The following KCNQ3 variants were observed in gnomAD, a reference collection of about 807,000 sequenced individuals.
KCNQ3 encodes the protein potassium voltage-gated channel subfamily KQT member 3.
In KCNQ3, 30 loss-of-function variants were observed where a neutral mutation model predicts 92.5. The observed-to-expected ratio is 0.32, with a 90% CI of 0.24 to 0.44. The LOEUF is 0.44. Ranked by LOEUF, KCNQ3 falls within the 20% of genes least tolerant of loss-of-function variation. KCNQ3 has a pLI of 1.00. For synonymous variants in KCNQ3, 450 were observed against 468.8 expected, an observed-to-expected ratio of 0.96 and a Z score of 0.52; for missense variants, 913 against 1,140.3, an observed-to-expected ratio of 0.80 and a Z score of 2.87.
At chr8:132,382,600 T>A (rs1349666411) in intron 1 of KCNQ3, among the ~76,000 whole-genome samples, 1 of 152,198 alleles carries the variant, frequency 6.6e-6, no homozygotes, top group East Asian at 1.9e-4. Context: ...TGTAAAATTT[T>A]ACAGGATTTT....
intron 1 of KCNQ3, among the ~76,000 whole-genome samples, chr8:132,370,929 G>GT (rs1326013384): frequency 6.6e-6 from 1 of 152,158 alleles, no homozygotes; most frequent in Non-Finnish European, 1.5e-5. Flanking sequence ...GGCATAGAAA[G>GT]TTACACTGTC....
At chr8:132,343,096 G>A (rs144604221) in intron 1 of KCNQ3, among the ~76,000 whole-genome samples, 4 of 152,288 alleles carry the variant, frequency 2.6e-5, no homozygotes, top group Admixed American at 2.0e-4. Flanking sequence ...CTGTAACACT[G>A]AACATAGTGT....
chr8:132,234,277 G>A (rs1379312305), intron 1 of KCNQ3, among the ~76,000 whole-genome samples: 2 of 150,514 alleles, frequency 1.3e-5, no homozygotes, highest in Non-Finnish European at 3.0e-5. Context: ...TGTAAAGTGG[G>A]TGTTCAGATC....
chr8:132,181,869 T>C (rs1055213696), intron 3 of KCNQ3, among the ~76,000 whole-genome samples: 3 of 151,604 alleles, frequency 2.0e-5, no homozygotes, highest in South Asian at 2.1e-4. Context: ...CTGGATAACA[T>C]GTCTCTACTA....
intron 1 of KCNQ3, among the ~76,000 whole-genome samples, chr8:132,468,639 T>A (rs1015958665): frequency 3.3e-5 from 5 of 152,232 alleles, no homozygotes; most frequent in Non-Finnish European, 7.3e-5. Flanking sequence ...TGTGAAATGA[T>A]GTAAAAGCAT....
chr8:132,345,155 GAAT>G (rs1818648646), intron 1 of KCNQ3, among the ~76,000 whole-genome samples: 2 of 152,136 alleles, frequency 1.3e-5, no homozygotes, highest in African/African-American at 4.8e-5. Flanking sequence ...ATGAAATTTA[GAAT>G]AATATTGATT....
At chr8:132,257,290 A>G (rs1240893576) in intron 1 of KCNQ3, among the ~76,000 whole-genome samples, 1 of 152,220 alleles carries the variant, frequency 6.6e-6, no homozygotes, top group Admixed American at 6.5e-5. Context: ...TCTATTTAAT[A>G]CAAAAATAGA....
rs1410936301 is a variant in KCNQ3, at chr8:132,121,633, A to G, written c.*7629T>C. The G allele has an allele frequency of 6.6e-6, 1 of 152,230 alleles. No homozygotes were observed. Among genetic ancestry groups the G allele is most frequent in the East Asian group, 1.9e-4 (1 of 5,192 alleles). The allele number at this position is 152,230 out of a possible 1,614,324, so 9.4% of individuals were successfully genotyped here. A position where few individuals can be genotyped will look rare whatever the true frequency, so the allele number is the denominator to read the frequency against. ...TCTTTTAATACTGAGAAAGAGAGAC[A>G]CAACTGTTCTGAGCTTTTGGCCTCC... On this transcript the variant is annotated 3_prime_UTR_variant, in exon 15 of 15. Transcript: ENST00000388996.
At chr8:132,184,112 G>T in intron 3 of KCNQ3, 129 bp downstream of exon 3, 1 of 1,158,800 alleles carries the variant, frequency 8.6e-7, no homozygotes, top group Non-Finnish European at 1.3e-6. Context: ...TCGAGGCAGC[G>T]TCAGGGGCTG....
In KCNQ3 at chr8:132,313,674, T is replaced by C. The variant is rs551995132; in HGVS notation, c.387-127493A>G. Among the ~76,000 whole-genome samples the C allele has an allele frequency of 3.9e-5, 6 of 152,346 alleles. No individual in the cohort carries two copies. The East Asian group carries it at 7.7e-4, about 20-fold the overall frequency. Reference sequence around the variant, plus strand: ...GCTATGAGATGGGATCCAATTAATGTTATTGACAAGATAAGTACCTATATT... The same window carrying C: ...GCTATGAGATGGGATCCAATTAATGCTATTGACAAGATAAGTACCTATATT... On this transcript the variant is annotated intron_variant, in intron 1 of 14. Transcript: ENST00000388996.
intron 1 of KCNQ3, among the ~76,000 whole-genome samples, chr8:132,289,185 C>T (rs1375634231): frequency 6.6e-6 from 1 of 152,126 alleles, no homozygotes; most frequent in Non-Finnish European, 1.5e-5. Context: ...AACAAGAATA[C>T]CCCTCAAAAA....
intron 1 of KCNQ3, among the ~76,000 whole-genome samples, chr8:132,199,566 C>T (rs965514813): frequency 3.3e-5 from 5 of 152,130 alleles, no homozygotes; most frequent in Non-Finnish European, 7.4e-5. Context: ...AAGGTTTCTT[C>T]TAAATCTACC....
chr8:132,428,890 A>C (rs2130821063), intron 1 of KCNQ3, among the ~76,000 whole-genome samples: 1 of 152,244 alleles, frequency 6.6e-6, no homozygotes, highest in South Asian at 2.1e-4. Context: ...TGAGGGAGGA[A>C]ACAAACCTCC....
intron 9 of KCNQ3, among the ~76,000 whole-genome samples, chr8:132,157,063 C>G (rs1017851028): frequency 1.3e-5 from 2 of 152,212 alleles, no homozygotes; most frequent in Admixed American, 6.5e-5. Flanking sequence ...TTCCAGACTT[C>G]TAGCTTCCAG....
intron 1 of KCNQ3, among the ~76,000 whole-genome samples, chr8:132,227,675 G>A (rs898245831): frequency 1.3e-5 from 2 of 152,174 alleles, no homozygotes; most frequent in East Asian, 1.9e-4. Flanking sequence ...TGGCGGTGCC[G>A]GGGGCAAATG....
At chr8:132,168,503 C>T (rs533088191) in intron 8 of KCNQ3, among the ~76,000 whole-genome samples, 1 of 152,190 alleles carries the variant, frequency 6.6e-6, no homozygotes, top group South Asian at 2.1e-4. Context: ...CCACCAGAAC[C>T]TTTTGAGGAG....
At chr8:132,386,079 T>C (rs749557180) in intron 1 of KCNQ3, among the ~76,000 whole-genome samples, 1 of 152,096 alleles carries the variant, frequency 6.6e-6, no homozygotes, top group African/African-American at 2.4e-5. Context: ...GGATTGCTTA[T>C]GTGGTCTGAA....
chr8:132,434,668 G>T (rs1428463300), intron 1 of KCNQ3, among the ~76,000 whole-genome samples: 1 of 152,214 alleles, frequency 6.6e-6, no homozygotes, highest in Non-Finnish European at 1.5e-5. Flanking sequence ...TGATGTGAAT[G>T]CAGGAAACTT....
At chr8:132,134,943 C>T (rs1825033255) in intron 12 of KCNQ3, among the ~76,000 whole-genome samples, 1 of 152,158 alleles carries the variant, frequency 6.6e-6, no homozygotes, top group Non-Finnish European at 1.5e-5. Context: ...ACACCAGCTT[C>T]CATTCCTATT....
Sources: gnomAD v4.1 joint callset for allele counts (sites outside exome capture counted in the v4.1 genomes callset) on GRCh38, gnomAD v4.1.1 for gene constraint, MANE v1.5 for transcripts, NCBI Gene and HGNC (gene_info 2026-07-23, HGNC 2026-07-21) for gene names.